Variants in KCNJ6 observed in about 807,000 individuals in gnomAD.
KCNJ6 encodes G protein-activated inward rectifier potassium channel 2.
A neutral mutation model predicts 34.2 loss-of-function variants in KCNJ6; 9 were observed. The ratio of observed to expected loss-of-function variants is 0.26; its 90% CI spans 0.16 to 0.46. The LOEUF is 0.46. KCNJ6 is among the 20% of genes least tolerant of loss of function. The pLI, the probability that KCNJ6 is intolerant of heterozygous loss-of-function variation, is 1.00. For missense variants in KCNJ6, 236 were observed against 531.3 expected, an observed-to-expected ratio of 0.44 and a Z score of 5.46; for synonymous variants, 196 against 207.1, an observed-to-expected ratio of 0.95 and a Z score of 0.46.
In KCNJ6 at chr21:37,695,274, A is replaced by AGTG. The variant is rs2054659060; in HGVS notation, c.946+18936_946+18937insCAC. 6.6e-6 allele frequency among the ~76,000 whole-genome samples: 1 copy of AGTG among 152,236 alleles called. No individual in the cohort carries two copies. Among genetic ancestry groups the AGTG allele is most frequent in the South Asian group, 2.1e-4 (1 of 4,832 alleles). ...AACTTAACAGTGTCCATCCCATAAA[A>AGTG]GGAAATCAATGGCTAAGCAAAAGTC... On this transcript the variant is annotated intron_variant, in intron 3 of 3. Transcript: ENST00000609713. The surrounding 1 kb of genome is among the most constrained non-coding windows in gnomAD (Gnocchi z 4.2).
chr21:37,889,289 A>G (rs1191326970), intron 1 of KCNJ6, among the ~76,000 whole-genome samples: 1 of 152,222 alleles, frequency 6.6e-6, no homozygotes, highest in Non-Finnish European at 1.5e-5. Context: ...GCAATCCCTC[A>G]CAAATTGTCT....
rs368326819 is a variant in KCNJ6, at chr21:37,755,573, G to A, written c.26-40442C>T. On this transcript the variant is annotated intron_variant, in intron 2 of 3. Transcript: ENST00000609713. ...AACAAATCTGTGTGTGCTTTGCCATGAGGGGCAACTGAAGGAAGAGAGGAG... is the reference window on the plus strand; with the variant it reads ...AACAAATCTGTGTGTGCTTTGCCATAAGGGGCAACTGAAGGAAGAGAGGAG... 8.1e-4 allele frequency among the ~76,000 whole-genome samples: 124 copies of A among 152,340 alleles called. 1 individual carries two copies. The highest frequency in any genetic ancestry group is 1.5e-3 in the East Asian group (8 of 5,184).
In KCNJ6 at chr21:37,906,439, G is replaced by A. The variant is rs141674510; in HGVS notation, c.-28+9445C>T. ...GGGTTCCTCCTTAAAGCAGATCTGA[G>A]GAAAACCTAAGCCAGTAGCTCCCAC... On this transcript the variant is annotated intron_variant, in intron 1 of 3. Transcript: ENST00000609713. Among the ~76,000 whole-genome samples the A allele has an allele frequency of 1.1e-3, 171 of 152,328 alleles. 1 individual carries two copies. The highest frequency in any genetic ancestry group is 3.5e-3 in the Admixed American group (53 of 15,294).
chr21:37,869,493 T>C (rs1372472114), intron 1 of KCNJ6, among the ~76,000 whole-genome samples: 1 of 152,254 alleles, frequency 6.6e-6, no homozygotes, highest in Non-Finnish European at 1.5e-5. Context: ...AGCTGGATCC[T>C]GATAGGAACA....
intron 3 of KCNJ6, among the ~76,000 whole-genome samples, chr21:37,653,599 C>T (rs899879203): frequency 6.6e-6 from 1 of 152,162 alleles, no homozygotes; most frequent in Non-Finnish European, 1.5e-5. Flanking sequence ...AGGGAAATTG[C>T]TGTTATCAAC....
chr21:37,860,245 A>G (rs1010676643), intron 1 of KCNJ6, among the ~76,000 whole-genome samples: 1 of 152,158 alleles, frequency 6.6e-6, no homozygotes. Flanking sequence ...TTCTCCAATT[A>G]CCTTATCGGT....
intron 1 of KCNJ6, among the ~76,000 whole-genome samples, chr21:37,912,107 T>G (rs1477265624): frequency 6.6e-6 from 1 of 152,204 alleles, no homozygotes; most frequent in Non-Finnish European, 1.5e-5. Context: ...AATATCTAGA[T>G]GAGGTAACTA....
chr21:37,774,057 C>G (rs2055130292), intron 2 of KCNJ6, among the ~76,000 whole-genome samples: 1 of 152,116 alleles, frequency 6.6e-6, no homozygotes, highest in African/African-American at 2.4e-5. Context: ...CTGGCCTGAC[C>G]CTGAAGATGG....
At chr21:37,690,397 A>C (rs1365147425) in intron 3 of KCNJ6, among the ~76,000 whole-genome samples, 1 of 152,188 alleles carries the variant, frequency 6.6e-6, no homozygotes. Context: ...CTTGCAATAA[A>C]CTGTCTGTTT....
chr21:37,796,373 G>A (rs1187850268), intron 2 of KCNJ6, among the ~76,000 whole-genome samples: 2 of 152,020 alleles, frequency 1.3e-5, no homozygotes, highest in East Asian at 3.9e-4. Context: ...AGGAAAGACT[G>A]ACTTCATTTT....
rs374234390 is a variant in KCNJ6, at chr21:37,607,463, G to GAGATATATATAT, written c.*17695_*17696insATATATATATCT. ...TTCCCTAACACAGCGAGTTCTTAAA[G>GAGATATATATAT]ATATATATATATATATATATTTTTT... On this transcript the variant is annotated 3_prime_UTR_variant, in exon 4 of 4. Transcript: ENST00000609713. 2 of 128,730 alleles carry GAGATATATATAT rather than the reference G, an allele frequency of 1.6e-5. No individual in the cohort carries two copies. Among genetic ancestry groups the GAGATATATATAT allele is most frequent in the African/African-American group, 2.9e-5 (1 of 34,022 alleles). 8.0% of individuals were successfully genotyped at this position (128,730 alleles called of 1,614,324 possible). A position where few individuals can be genotyped will look rare whatever the true frequency, so the allele number is the denominator to read the frequency against.
chr21:37,808,552 C>T (rs1362439381), intron 2 of KCNJ6, among the ~76,000 whole-genome samples: 1 of 152,182 alleles, frequency 6.6e-6, no homozygotes, highest in African/African-American at 2.4e-5. Flanking sequence ...CCAATAATAA[C>T]GCTATTGACT....
chr21:37,777,756 T>C lies in KCNJ6; in HGVS notation c.26-62625A>G, dbSNP rs79221473. Among the ~76,000 whole-genome samples, 579 of 152,350 alleles carry C rather than the reference T, an allele frequency of 3.8e-3. 3 individuals are homozygous for C. Among genetic ancestry groups the C allele is most frequent in the African/African-American group, 0.013 (558 of 41,580 alleles). On this transcript the variant is annotated intron_variant, in intron 2 of 3. Transcript: ENST00000609713. Reference sequence around the variant, plus strand: ...TCTTGCCTATTCATTTGAAGGAAATTAAGCATCTGATGCAGGCTTTTCAAC... The same window carrying C: ...TCTTGCCTATTCATTTGAAGGAAATCAAGCATCTGATGCAGGCTTTTCAAC...
chr21:37,836,905 A>C (rs1001932150), intron 2 of KCNJ6, among the ~76,000 whole-genome samples: 1 of 152,104 alleles, frequency 6.6e-6, no homozygotes, highest in South Asian at 2.1e-4. Context: ...AAAAAGATTT[A>C]AAAAAATTGG....
intron 3 of KCNJ6, among the ~76,000 whole-genome samples, chr21:37,666,944 T>G (rs1040665490): frequency 6.6e-6 from 1 of 151,044 alleles, no homozygotes; most frequent in Non-Finnish European, 1.5e-5. Context: ...AACAGATGCT[T>G]GAAGGCAGCA....
intron 1 of KCNJ6, among the ~76,000 whole-genome samples, chr21:37,869,785 G>C (rs1390051604): frequency 6.6e-6 from 1 of 152,212 alleles, no homozygotes; most frequent in African/African-American, 2.4e-5. Flanking sequence ...GGCCAGCCTG[G>C]AAAACCTACT....
chr21:37,766,673 T>G (rs77478340), intron 2 of KCNJ6, among the ~76,000 whole-genome samples: 3,641 of 152,202 alleles, frequency 0.024, 143 homozygotes, highest in African/African-American at 0.082. Flanking sequence ...GGCTTTGCAG[T>G]TGCACCAAAG....
chr21:37,865,023 A>C (rs982460094), intron 1 of KCNJ6, among the ~76,000 whole-genome samples: 40 of 152,110 alleles, frequency 2.6e-4, no homozygotes, highest in Admixed American at 2.0e-3. Flanking sequence ...GATGTTCTCT[A>C]TGCCCATGAG....
At chr21:37,698,139 C>G (rs1414030595) in intron 3 of KCNJ6, among the ~76,000 whole-genome samples, 1 of 152,204 alleles carries the variant, frequency 6.6e-6, no homozygotes, top group East Asian at 1.9e-4. Flanking sequence ...ACTGCGGGAT[C>G]TCTGCTTTTG....
Sources: allele counts gnomAD v4.1 joint callset (sites outside exome capture counted in the v4.1 genomes callset), GRCh38; gene constraint gnomAD v4.1.1; non-coding constraint Gnocchi (gnomAD v3.1); transcripts MANE v1.5; gene names NCBI Gene and HGNC (gene_info 2026-07-23, HGNC 2026-07-21).